The following PCCA variants were observed in gnomAD, a reference collection of about 807,000 sequenced individuals.
The protein encoded by PCCA is propionyl-CoA carboxylase alpha chain, mitochondrial.
In PCCA, 74 loss-of-function variants were observed where a neutral mutation model predicts 101.3. That is an observed-to-expected ratio of 0.73 (90% CI 0.61 to 0.89). The LOEUF (loss-of-function observed/expected upper bound fraction) is 0.89, where lower values mean the gene tolerates loss of function less well. Among genes scored for constraint, PCCA ranks in the 40% least tolerant of loss-of-function variants. The pLI is 0.00. For synonymous variants in PCCA, 294 were observed against 313.6 expected (o/e 0.94, Z 0.66); for missense variants, 891 against 907.0 (o/e 0.98, Z 0.23).
intron 18 of PCCA, among the ~76,000 whole-genome samples, chr13:100,360,455 T>G (rs1293377197): frequency 6.6e-6 from 1 of 152,152 alleles, no homozygotes; most frequent in East Asian, 1.9e-4. Flanking sequence ...CATAGACAGA[T>G]CTACATGTAA....
At chr13:100,446,319 C>T (rs1280937147) in intron 20 of PCCA, among the ~76,000 whole-genome samples, 9 of 152,082 alleles carry the variant, frequency 5.9e-5, no homozygotes, top group African/African-American at 2.2e-4. Context: ...CATGAGCCAC[C>T]GCACCCTGCC....
intron 7 of PCCA, among the ~76,000 whole-genome samples, chr13:100,231,877 T>G (rs979612125): frequency 1.3e-5 from 2 of 152,082 alleles, no homozygotes; most frequent in African/African-American, 4.8e-5. Context: ...CGGCTGTCTG[T>G]CCTACTTTTG....
At chr13:100,456,827 A>C (rs2081769177) in intron 21 of PCCA, among the ~76,000 whole-genome samples, 1 of 152,220 alleles carries the variant, frequency 6.6e-6, no homozygotes, top group African/African-American at 2.4e-5. Flanking sequence ...CCGTTGAAGC[A>C]CAGCATCACA....
At chr13:100,421,017 G>A (rs1489986445) in intron 19 of PCCA, among the ~76,000 whole-genome samples, 2 of 152,082 alleles carry the variant, frequency 1.3e-5, no homozygotes, top group African/African-American at 4.8e-5. Context: ...AACCAGCCTG[G>A]CCAACATGGT....
At chr13:100,449,964 G>A (rs1048310396) in intron 21 of PCCA, among the ~76,000 whole-genome samples, 3 of 152,196 alleles carry the variant, frequency 2.0e-5, no homozygotes, top group Non-Finnish European at 2.9e-5. Context: ...GTCACCTAGT[G>A]TGAGTTGTAA....
At chr13:100,206,148 G>C (rs2058838086) in intron 6 of PCCA, among the ~76,000 whole-genome samples, 2 of 152,056 alleles carry the variant, frequency 1.3e-5, no homozygotes, top group South Asian at 4.1e-4. Flanking sequence ...GCACCTCTTA[G>C]GGCTGAAAGG....
intron 20 of PCCA, among the ~76,000 whole-genome samples, chr13:100,430,585 A>G (rs116115905): frequency 2.2e-4 from 33 of 152,266 alleles, no homozygotes; most frequent in African/African-American, 7.7e-4. Flanking sequence ...ATCTACTTCC[A>G]TACATCATAT....
At position 100,268,801 on chromosome 13, in the gene PCCA, C is replaced by T. The variant is rs761766130; in HGVS notation, c.914+18C>T. The stretch of plus-strand genomic sequence containing the variant: ...GCACCAAGGTAAGTCTCCTAAGAAA[C>T]ATTTATAAAGCGGCTGCTTTTATGC... On this transcript the variant is annotated intron_variant, in intron 11 of 23. Coordinates refer to ENST00000376285, the MANE Select transcript of PCCA (RefSeq NM_000282.4). The T allele has an allele frequency of 9.0e-6, 14 of 1,560,088 alleles. No individual in the cohort carries two copies. The highest frequency in any genetic ancestry group is 6.7e-5 in the Admixed American group (4 of 59,956).
rs374630416 is a variant in PCCA at position 100,128,959 on chromosome 13, G to A, written c.300+16898G>A. Among the ~76,000 whole-genome samples, 5 of 152,054 alleles carry A rather than the reference G, an allele frequency of 3.3e-5. No homozygotes were observed. The South Asian group carries it at 1.0e-3, about 32-fold the overall frequency. On this transcript the variant is annotated intron_variant, in intron 4 of 23. Coordinates refer to ENST00000376285, the MANE Select transcript of PCCA (RefSeq NM_000282.4). ...AAAGATGGCATTCTCTTCCACTTCT[G>A]TTTCTGTGGTTTTAATCAACCCTAG... is the stretch of plus-strand genomic sequence containing the variant.
At chr13:100,467,993 G>A (rs1399986167) in intron 21 of PCCA, among the ~76,000 whole-genome samples, 1 of 152,174 alleles carries the variant, frequency 6.6e-6, no homozygotes, top group Non-Finnish European at 1.5e-5. Context: ...AAGCTGAAAC[G>A]ACTGCTTGAT....
At chr13:100,119,997 G>A (rs893054774) in intron 4 of PCCA, among the ~76,000 whole-genome samples, 1 of 151,638 alleles carries the variant, frequency 6.6e-6, no homozygotes, top group Non-Finnish European at 1.5e-5. Flanking sequence ...TCAGCCTCCC[G>A]AGTAGCTGGG....
chr13:100,374,105 C>T (rs781230606), intron 19 of PCCA, among the ~76,000 whole-genome samples: 50 of 151,588 alleles, frequency 3.3e-4, no homozygotes, highest in Admixed American at 9.9e-4. Context: ...GAGTGAGACT[C>T]TCTCTCAAAA....
chr13:100,424,284 C>T (rs768459180), intron 19 of PCCA, among the ~76,000 whole-genome samples: 4 of 152,042 alleles, frequency 2.6e-5, no homozygotes, highest in African/African-American at 7.2e-5. Context: ...GGAGCATCCC[C>T]GGATTTTGGT....
intron 16 of PCCA, among the ~76,000 whole-genome samples, chr13:100,322,076 C>T (rs761593246): frequency 2.6e-5 from 4 of 152,090 alleles, no homozygotes; most frequent in Non-Finnish European, 4.4e-5. Flanking sequence ...ATAAGAGAGA[C>T]GTTTATTTAC....
intron 21 of PCCA, among the ~76,000 whole-genome samples, chr13:100,502,234 G>C (rs569304131): frequency 1.6e-4 from 25 of 152,292 alleles, no homozygotes; most frequent in Middle Eastern, 6.8e-3. Context: ...TGCATTATGA[G>C]TGTATAGTGG....
chr13:100,134,446 A>G (rs2050902492), intron 4 of PCCA, among the ~76,000 whole-genome samples: 1 of 152,318 alleles, frequency 6.6e-6, no homozygotes, highest in South Asian at 2.1e-4. Flanking sequence ...TGAGATTTTG[A>G]TTAGAATTTT....
At chr13:100,529,254 C>T (rs890562750) in intron 23 of PCCA, among the ~76,000 whole-genome samples, 7 of 152,188 alleles carry the variant, frequency 4.6e-5, no homozygotes, top group Non-Finnish European at 8.8e-5. Flanking sequence ...CTCTGGTCAT[C>T]GCTGCATCAC....
chr13:100,157,290 C>A lies in PCCA; in HGVS notation c.418C>A (p.His140Asn). Residue 140 changes from histidine to asparagine, a missense_variant, in exon 6 of 24, where the codon CAT becomes AAT. Transcript: ENST00000376285. The part of the protein sequence containing the change: ...AIKKTRAQAV[H>N]PGYGFLSENK... ...GCTTTTTGCTTTCATTTCTAAGGTA[C>A]ATCCAGGTTATGGATTCCTTTCAGA... 6.2e-7 allele frequency: 1 copy of A among 1,609,026 alleles called. No individual in the cohort carries two copies. Among genetic ancestry groups the A allele is most frequent in the Non-Finnish European group, 8.5e-7 (1 of 1,175,528 alleles).
intron 19 of PCCA, among the ~76,000 whole-genome samples, chr13:100,393,281 C>A (rs1305992901): frequency 6.6e-6 from 1 of 152,072 alleles, no homozygotes; most frequent in Non-Finnish European, 1.5e-5. Flanking sequence ...GGGATAATAT[C>A]CCAAATTCTG....
Sources: allele counts gnomAD v4.1 joint callset (sites outside exome capture counted in the v4.1 genomes callset), GRCh38; gene constraint gnomAD v4.1.1; transcripts MANE v1.5; gene names NCBI Gene and HGNC (gene_info 2026-07-23, HGNC 2026-07-21).